Variants in MTRR observed in about 807,000 individuals in gnomAD.
MTRR encodes methionine synthase reductase.
Under a neutral mutation model 79.2 loss-of-function variants are expected in MTRR, and 63 were observed. The observed-to-expected ratio is 0.80, with a 90% CI of 0.65 to 0.98. The LOEUF (loss-of-function observed/expected upper bound fraction) is 0.98. Ranked by LOEUF, MTRR falls within the 50% of genes least tolerant of loss-of-function variation. The pLI is 0.00. For synonymous variants in MTRR, 355 were observed against 313.3 expected (o/e 1.13, Z -1.41); for missense variants, 895 against 839.6 (o/e 1.07, Z -0.82).
chr5:7,885,964 C>T, intron 7 of MTRR, 110 bp downstream of exon 7: 1 of 1,424,664 alleles, frequency 7.0e-7, no homozygotes, highest in East Asian at 2.3e-5. Flanking sequence ...CGCACAGATG[C>T]CTGGGGCTCA....
chr5:7,896,461 T>TA (rs1309751262), intron 12 of MTRR: 14 of 241,744 alleles, frequency 5.8e-5, no homozygotes, highest in African/African-American at 2.7e-4. Flanking sequence ...CAGATGTCTC[T>TA]GTCTCATCAG....
At chr5:7,863,136 ATC>A in intron 2 of MTRR, 1 of 722,792 alleles carries the variant, frequency 1.4e-6, no homozygotes, top group Non-Finnish European at 2.3e-6. Context: ...TGGGACAGGC[ATC>A]TCTCTCAAAA....
chr5:7,874,234 A>G (rs1366163060), intron 3 of MTRR, among the ~76,000 whole-genome samples: 1 of 152,188 alleles, frequency 6.6e-6, no homozygotes, highest in Non-Finnish European at 1.5e-5. Flanking sequence ...CTTGTGACCT[A>G]TGTTGTTTTA....
At chr5:7,884,195 C>G (rs561515729) in intron 6 of MTRR, among the ~76,000 whole-genome samples, 4 of 152,028 alleles carry the variant, frequency 2.6e-5, no homozygotes, top group African/African-American at 9.7e-5. Context: ...GAAATAGAAC[C>G]CAGACAGGCA....
At chr5:7,886,081 G>A (rs926825612) in intron 7 of MTRR, among the ~76,000 whole-genome samples, 3 of 152,168 alleles carry the variant, frequency 2.0e-5, no homozygotes, top group Non-Finnish European at 4.4e-5. Flanking sequence ...CTAATTATTG[G>A]ACATTTGTGG....
chr5:7,897,041 G>T (rs1479192837), intron 13 of MTRR, 24 bp from the exon 14 acceptor site: 2 of 1,613,064 alleles, frequency 1.2e-6, no homozygotes, highest in South Asian at 2.2e-5. Context: ...ACCTTTTAGT[G>T]ATCCATTATA....
upstream of MTRR, chr5:7,867,709 C>T (rs1366694299): frequency 1.2e-6 from 2 of 1,614,068 alleles, no homozygotes; most frequent in Non-Finnish European, 1.7e-6. Flanking sequence ...TAGTGTCAGG[C>T]AGGGTTTCCA....
chr5:7,866,034 T>G (rs934178083), upstream of MTRR: 2 of 1,340,038 alleles, frequency 1.5e-6, no homozygotes, highest in South Asian at 1.2e-5. Context: ...GAGGTATGTA[T>G]GAGAGAACAT....
chr5:7,880,305 A>T (rs1330872647), intron 5 of MTRR, among the ~76,000 whole-genome samples: 1 of 152,248 alleles, frequency 6.6e-6, no homozygotes, highest in East Asian at 1.9e-4. Flanking sequence ...GCCCTGGGGC[A>T]TAATTGTAAA....
At position 7,883,401 on chromosome 5, in the gene MTRR, G is replaced by A. The variant is rs372235626; in HGVS notation, c.903+124G>A. The A allele has an allele frequency of 1.3e-4, 166 of 1,265,670 alleles. 1 individual carries two copies. Among genetic ancestry groups the A allele is most frequent in the East Asian group, 1.3e-3 (46 of 36,470 alleles). The allele number at this position is 1,265,670 out of a possible 1,614,324, so 78.4% of individuals were successfully genotyped here. A position where few individuals can be genotyped will look rare whatever the true frequency, so the allele number is the denominator to read the frequency against. On this transcript the variant is annotated intron_variant, in intron 6 of 14. Coordinates refer to ENST00000440940, the MANE Select transcript of MTRR (RefSeq NM_002454.3). ...TGGTTACATATGCTGAGTTGTGTGC[G>A]GCTTGGTTACATGTGCTGAGTTGTG...
At chr5:7,851,063 C>G (rs2126568374), upstream of MTRR, 1 of 1,236,174 alleles carries the variant, frequency 8.1e-7, no homozygotes, top group Non-Finnish European at 1.0e-6. Context: ...GCGGTCCGTC[C>G]CGCCCGCCCA....
intron 10 of MTRR, 74 bp downstream of exon 10, chr5:7,891,488 A>T (rs573100913): frequency 1.6e-6 from 2 of 1,266,376 alleles, no homozygotes; most frequent in Middle Eastern, 1.9e-4. Context: ...AGATCATTAG[A>T]GTTTACTAAT....
chr5:7,865,859 C>A (rs1002082729), upstream of MTRR: 1 of 1,463,352 alleles, frequency 6.8e-7, no homozygotes, highest in Non-Finnish European at 9.6e-7. Context: ...GAAACTGCAC[C>A]CATGGGGAAA....
chr5:7,892,171 A>G (rs1260376861), intron 10 of MTRR, among the ~76,000 whole-genome samples: 1 of 152,208 alleles, frequency 6.6e-6, no homozygotes, highest in Non-Finnish European at 1.5e-5. Context: ...ATAATACAAG[A>G]AGGTGCACCA....
At chr5:7,866,328 AGATAC>A (rs375820183), upstream of MTRR, among the ~76,000 whole-genome samples, 9,715 of 150,684 alleles carry the variant, frequency 0.064, 398 homozygotes, top group Middle Eastern at 0.13. Flanking sequence ...AAAAAAAAAA[AGATAC>A]AGTTGCTCAC....
intron 10 of MTRR, among the ~76,000 whole-genome samples, chr5:7,891,958 C>T (rs543417062): frequency 9.2e-5 from 14 of 152,184 alleles, no homozygotes; most frequent in Admixed American, 7.8e-4. Context: ...GGGAGAATGG[C>T]GTGAACCCGG....
At chr5:7,853,703 G>A (rs935584560) in intron 1 of MTRR, among the ~76,000 whole-genome samples, 6 of 152,198 alleles carry the variant, frequency 3.9e-5, no homozygotes, top group African/African-American at 1.4e-4. Context: ...TCAACATGGA[G>A]GCATGTTTCA....
chr5:7,871,464 C>T (rs994348981), intron 2 of MTRR, among the ~76,000 whole-genome samples: 1 of 152,218 alleles, frequency 6.6e-6, no homozygotes, highest in African/African-American at 2.4e-5. Flanking sequence ...GTATATGCAA[C>T]TTTACCATCT....
At chr5:7,890,471 T>G (rs1737358202) in intron 9 of MTRR, 2 of 943,738 alleles carry the variant, frequency 2.1e-6, no homozygotes, top group South Asian at 4.9e-5. Flanking sequence ...TTATTTCAAT[T>G]CTTTTCGTAG....
Sources: allele counts gnomAD v4.1 joint callset (sites outside exome capture counted in the v4.1 genomes callset), GRCh38; gene constraint gnomAD v4.1.1; transcripts MANE v1.5; gene names NCBI Gene and HGNC (gene_info 2026-07-23, HGNC 2026-07-21).